RAF1: variants seen among roughly 807,000 people sequenced by gnomAD.
RAF1 encodes Raf-1 proto-oncogene, serine/threonine kinase, also known as RAF proto-oncogene serine/threonine-protein kinase.
A neutral mutation model predicts 81.1 loss-of-function variants in RAF1; 27 were observed. That is an observed-to-expected ratio of 0.33 (90% confidence interval 0.25 to 0.46). RAF1 has a LOEUF of 0.46. Ranked by LOEUF, RAF1 falls within the 20% of genes least tolerant of loss-of-function variation. RAF1 has a pLI of 1.00. For missense variants in RAF1, 598 were observed against 826.0 expected (o/e 0.72, Z 3.38); for synonymous variants, 298 against 294.0 (o/e 1.01, Z -0.14).
At chr3:12,638,436 T>C (rs1476634923) in intron 1 of RAF1, among the ~76,000 whole-genome samples, 1 of 152,148 alleles carries the variant, frequency 6.6e-6, no homozygotes, top group Non-Finnish European at 1.5e-5. Flanking sequence ...GCCAGGATAA[T>C]GATTGGCTGG....
At chr3:12,586,156 C>T (rs2058326623) in intron 14 of RAF1, among the ~76,000 whole-genome samples, 1 of 152,254 alleles carries the variant, frequency 6.6e-6, no homozygotes, top group African/African-American at 2.4e-5. Flanking sequence ...AGAGGCCACA[C>T]TCCAGTGCTC....
intron 1 of RAF1, among the ~76,000 whole-genome samples, chr3:12,649,962 T>C (rs188768353): frequency 6.6e-5 from 10 of 151,720 alleles, no homozygotes; most frequent in African/African-American, 1.9e-4. Context: ...CTGGCCAACA[T>C]AGTGAAACCC....
At chr3:12,596,985 G>C (rs1299430897) in intron 11 of RAF1, among the ~76,000 whole-genome samples, 2 of 151,080 alleles carry the variant, frequency 1.3e-5, no homozygotes, top group East Asian at 3.9e-4. Flanking sequence ...TGTAAGCTCT[G>C]CCTCCCGGGT....
chr3:12,612,604 G>A (rs940544169), intron 2 of RAF1, among the ~76,000 whole-genome samples: 7 of 144,550 alleles, frequency 4.8e-5, no homozygotes, highest in Admixed American at 2.1e-4. Flanking sequence ...AGCTGAGATC[G>A]CACCATTGCA....
intron 11 of RAF1, among the ~76,000 whole-genome samples, chr3:12,596,093 G>A (rs187449419): frequency 1.3e-5 from 2 of 151,706 alleles, no homozygotes; most frequent in Admixed American, 6.6e-5. Context: ...GGCTGGTCTC[G>A]ATCTCCTGGG....
At chr3:12,624,898 A>C (rs1456534844) in intron 1 of RAF1, among the ~76,000 whole-genome samples, 5 of 135,370 alleles carry the variant, frequency 3.7e-5, no homozygotes, top group Admixed American at 2.1e-4. Context: ...AAAAAAAAAA[A>C]AAAACAAAAA....
intron 4 of RAF1, 70 bp from the exon 5 acceptor site, chr3:12,608,993 G>A (rs1478034766): frequency 7.0e-6 from 11 of 1,574,418 alleles, no homozygotes; most frequent in Non-Finnish European, 9.5e-6. Flanking sequence ...TTCATTTCTT[G>A]GCCTCCAAAA....
At chr3:12,662,941 T>G (rs1291880075) in intron 1 of RAF1, among the ~76,000 whole-genome samples, 1 of 152,050 alleles carries the variant, frequency 6.6e-6, no homozygotes, top group East Asian at 1.9e-4. Context: ...TGAACGTGCC[T>G]TGAATTCATT....
At chr3:12,622,892 G>A (rs924797759) in intron 1 of RAF1, among the ~76,000 whole-genome samples, 3 of 152,182 alleles carry the variant, frequency 2.0e-5, no homozygotes, top group African/African-American at 7.2e-5. Context: ...GCCGGGCGCA[G>A]TTGTTCACAC....
At position 12,645,097 on chromosome 3, in the gene RAF1, C is replaced by CAA. The variant is rs11401342; in HGVS notation, c.-27+18714_-27+18715dup. Among the ~76,000 whole-genome samples the CAA allele has an allele frequency of 6.0e-3, 385 of 64,580 alleles. 7 individuals are homozygous for CAA. Among genetic ancestry groups the CAA allele is most frequent in the African/African-American group, 0.012 (242 of 19,898 alleles). The allele number at this position is 64,580 out of a possible 152,430, so 42.4% of individuals were successfully genotyped here. ...CTGGTGACAGAGCGAGACTCAGTCT[C>CAA]AAAAAAAAAAAAAAAAAAAAAAAAT... On this transcript the variant is annotated intron_variant, in intron 1 of 17. Transcript: ENST00000442415.
At chr3:12,600,066 CCAAAATAAG>C in intron 10 of RAF1, 77 bp downstream of exon 9, 1 of 1,570,568 alleles carries the variant, frequency 6.4e-7, no homozygotes, top group South Asian at 1.1e-5. Flanking sequence ...GAATCTTCTC[CCAAAATAAG>C]TTTAAGTATT....
intron 1 of RAF1, among the ~76,000 whole-genome samples, chr3:12,632,928 T>A (rs557749361): frequency 6.6e-6 from 1 of 152,190 alleles, no homozygotes; most frequent in South Asian, 2.1e-4. Flanking sequence ...CCAGACCCAG[T>A]TGAGAGTATG....
rs2060235748 is a variant in RAF1 at position 12,642,834 on chromosome 3, C to T, written c.-27+20979G>A. Among the ~76,000 whole-genome samples the T allele has an allele frequency of 6.0e-5, 9 of 151,230 alleles. No individual in the cohort carries two copies. The Admixed American group carries it at 6.0e-4, about 10-fold the overall frequency. ...ACAGGGAGGTTGAGGCTGCAGAGAG[C>T]CATGATCACGTCACTGTACTCCAGC... is the stretch of plus-strand genomic sequence containing the variant. On this transcript the variant is annotated intron_variant, in intron 1 of 17. Transcript: ENST00000442415.
intron 1 of RAF1, among the ~76,000 whole-genome samples, chr3:12,635,645 A>G (rs2060000794): frequency 6.7e-6 from 1 of 149,210 alleles, no homozygotes; most frequent in African/African-American, 2.5e-5. Flanking sequence ...TCCAAAAAAA[A>G]AAAAAAAAAA....
At chr3:12,624,748 T>A (rs1489172098) in intron 1 of RAF1, among the ~76,000 whole-genome samples, 1 of 152,022 alleles carries the variant, frequency 6.6e-6, no homozygotes, top group Non-Finnish European at 1.5e-5. Context: ...ACCCCTGTAA[T>A]CCCAGCACTT....
At chr3:12,603,365 C>T in intron 8 of RAF1, 1 of 544,318 alleles carries the variant, frequency 1.8e-6, no homozygotes, top group Middle Eastern at 2.7e-4. Context: ...AAACAAGTGA[C>T]AAGAAATATA....
At chr3:12,624,794 G>A (rs1402360038) in intron 1 of RAF1, among the ~76,000 whole-genome samples, 1 of 150,716 alleles carries the variant, frequency 6.6e-6, no homozygotes, top group African/African-American at 2.4e-5. Flanking sequence ...CTGAGGTCAG[G>A]AGAATTGCTT....
chr3:12,607,675 G>A (rs2125411737), intron 5 of RAF1, among the ~76,000 whole-genome samples: 1 of 151,852 alleles, frequency 6.6e-6, no homozygotes, highest in East Asian at 1.9e-4. Flanking sequence ...AAAAAAGGCT[G>A]GGCGTGGTGG....
At chr3:12,655,694 A>G (rs963485631) in intron 1 of RAF1, among the ~76,000 whole-genome samples, 1 of 152,204 alleles carries the variant, frequency 6.6e-6, no homozygotes, top group Non-Finnish European at 1.5e-5. Flanking sequence ...ACTGATGAGG[A>G]GATAAACAAA....
Sources: gnomAD v4.1 joint callset for allele counts (sites outside exome capture counted in the v4.1 genomes callset) on GRCh38, gnomAD v4.1.1 for gene constraint, MANE v1.5 for transcripts, NCBI Gene and HGNC (gene_info 2026-07-23, HGNC 2026-07-21) for gene names.